Variants in PDGFD observed in about 807,000 individuals in gnomAD.
PDGFD encodes the protein platelet-derived growth factor D.
PDGFD carries 30 observed loss-of-function variants against 44.7 expected under a neutral mutation model. That is an observed-to-expected ratio of 0.67 (90% CI 0.50 to 0.91). The LOEUF is 0.91. Among genes scored for constraint, PDGFD ranks in the 40% least tolerant of loss-of-function variants. The pLI is 0.00. For synonymous variants in PDGFD, 173 were observed against 168.4 expected, an observed-to-expected ratio of 1.03 and a Z score of -0.21; for missense variants, 445 against 457.8, an observed-to-expected ratio of 0.97 and a Z score of 0.25.
Position 104,014,062 on chromosome 11 carries a change from T to C in PDGFD, c.125-13807A>G, listed in dbSNP as rs138676792. ...ATTCTGAGCCTGTGTCTATGTTAAA[T>C]AGAAAAAATGGAAATGACAAATTAA... On this transcript the variant is annotated intron_variant, in intron 1 of 6. Transcript: ENST00000393158. 3.3e-3 allele frequency among the ~76,000 whole-genome samples: 507 copies of C among 152,226 alleles called. 2 individuals are homozygous for C. The highest frequency in any genetic ancestry group is 0.012 in the African/African-American group (484 of 41,542).
At chr11:104,138,321 A>G (rs1006266721) in intron 1 of PDGFD, among the ~76,000 whole-genome samples, 11 of 152,218 alleles carry the variant, frequency 7.2e-5, no homozygotes, top group Non-Finnish European at 1.2e-4. Flanking sequence ...ATCCACATTT[A>G]CAAAGCAGTT....
At chr11:104,097,075 C>T (rs955733477) in intron 1 of PDGFD, among the ~76,000 whole-genome samples, 3 of 152,134 alleles carry the variant, frequency 2.0e-5, no homozygotes, top group East Asian at 3.9e-4. Flanking sequence ...AGAGAGTAAA[C>T]GAGGTCAAGA....
chr11:104,014,376 G>T (rs1289218897), intron 1 of PDGFD, among the ~76,000 whole-genome samples: 1 of 152,090 alleles, frequency 6.6e-6, no homozygotes, highest in Non-Finnish European at 1.5e-5. Context: ...TGCACCTGCA[G>T]TACCAGTGAC....
At position 104,119,078 on chromosome 11, in the gene PDGFD, T is replaced by TATTA. The variant is rs1565340467; in HGVS notation, c.124+44725_124+44726insTAAT. ...ATATTAATATAATATATTGGTATAATATATAATATATTGATATAATATATA... is the reference window on the plus strand; with the variant it reads ...ATATTAATATAATATATTGGTATAATATTAATATAATATATTGATATAATATATA... On this transcript the variant is annotated intron_variant, in intron 1 of 6. Coordinates refer to ENST00000393158, the MANE Select transcript of PDGFD (RefSeq NM_025208.5). Among the ~76,000 whole-genome samples, 38 of 4,114 alleles carry TATTA rather than the reference T, an allele frequency of 9.2e-3. 7 individuals carry two copies. Among genetic ancestry groups the TATTA allele is most frequent in the Admixed American group, 0.025 (4 of 160 alleles). 2.7% of individuals were successfully genotyped at this position (4,114 alleles called of 152,430 possible).
Position 103,909,348 on chromosome 11 carries a change from C to G in PDGFD, c.*346G>C, listed in dbSNP as rs903411436. ...TATTTTGGCAAAGGATTTTAAGAGT[C>G]TAACTCAAACATATGTAAGCTCTGG... On this transcript the variant is annotated 3_prime_UTR_variant, in exon 7 of 7. Transcript: ENST00000393158. 2 of 164,754 alleles carry G rather than the reference C, an allele frequency of 1.2e-5. No homozygotes were observed. The highest frequency in any genetic ancestry group is 4.8e-5 in the African/African-American group (2 of 41,856). The allele number at this position is 164,754 out of a possible 1,614,324, so 10.2% of individuals were successfully genotyped here. A position where few individuals can be genotyped will look rare whatever the true frequency, so the allele number is the denominator to read the frequency against.
chr11:103,942,339 A>G (rs1469786155), intron 5 of PDGFD, among the ~76,000 whole-genome samples: 6 of 152,134 alleles, frequency 3.9e-5, no homozygotes, highest in African/African-American at 1.4e-4. Flanking sequence ...GTTTTATTCA[A>G]TAAGAGGCAA....
chr11:104,051,184 T>C (rs1860529597), intron 1 of PDGFD, among the ~76,000 whole-genome samples: 1 of 152,120 alleles, frequency 6.6e-6, no homozygotes, highest in South Asian at 2.1e-4. Flanking sequence ...GCGATAACAC[T>C]CAATAGTAGC....
At chr11:103,943,426 A>C in intron 5 of PDGFD, 26 bp downstream of exon 5, 2 of 1,589,356 alleles carry the variant, frequency 1.3e-6, no homozygotes, top group Non-Finnish European at 1.7e-6. Context: ...GTGCTTATGA[A>C]GAATGTACAA....
chr11:103,937,636 T>C (rs1565289139), intron 5 of PDGFD, among the ~76,000 whole-genome samples: 6 of 151,988 alleles, frequency 3.9e-5, no homozygotes. Flanking sequence ...ATGTGCCATG[T>C]TGGTGTGCTG....
chr11:104,101,101 G>A (rs182048652), intron 1 of PDGFD, among the ~76,000 whole-genome samples: 1 of 152,206 alleles, frequency 6.6e-6, no homozygotes, highest in Admixed American at 6.5e-5. Flanking sequence ...GTTCTGGCCA[G>A]GGCAATCCGG....
intron 1 of PDGFD, among the ~76,000 whole-genome samples, chr11:104,104,455 T>C (rs1354243117): frequency 6.6e-6 from 1 of 152,144 alleles, no homozygotes; most frequent in East Asian, 1.9e-4. Flanking sequence ...ATGCTAAGTG[T>C]CTAATACAGG....
intron 1 of PDGFD, among the ~76,000 whole-genome samples, chr11:104,155,360 A>G (rs1471554957): frequency 6.6e-6 from 1 of 152,164 alleles, no homozygotes; most frequent in Non-Finnish European, 1.5e-5. Context: ...CAATATACGG[A>G]GACAGATTGG....
At chr11:104,157,999 T>C (rs1862332217) in intron 1 of PDGFD, among the ~76,000 whole-genome samples, 1 of 152,234 alleles carries the variant, frequency 6.6e-6, no homozygotes, top group African/African-American at 2.4e-5. Context: ...CTTCAAATCA[T>C]GTTTGCCTTA....
chr11:104,094,658 A>G (rs1018269234), intron 1 of PDGFD, among the ~76,000 whole-genome samples: 8 of 152,138 alleles, frequency 5.3e-5, no homozygotes, highest in African/African-American at 1.7e-4. Context: ...ATCTATAACT[A>G]TACACGTATA....
chr11:104,050,138 T>G (rs988394482), intron 1 of PDGFD, among the ~76,000 whole-genome samples: 2 of 151,690 alleles, frequency 1.3e-5, no homozygotes, highest in Non-Finnish European at 2.9e-5. Flanking sequence ...GAACAAAGAG[T>G]AATTCATACA....
At chr11:104,053,713 C>T (rs1860577476) in intron 1 of PDGFD, among the ~76,000 whole-genome samples, 1 of 152,100 alleles carries the variant, frequency 6.6e-6, no homozygotes, top group African/African-American at 2.4e-5. Context: ...CGCATATATT[C>T]AACTGGGCAG....
intron 3 of PDGFD, among the ~76,000 whole-genome samples, chr11:103,988,441 AAC>A (rs984143154): frequency 2.0e-5 from 3 of 152,088 alleles, no homozygotes; most frequent in African/African-American, 7.2e-5. Context: ...TATGATCAGC[AAC>A]CAGGGTTTAT....
At chr11:104,104,087 T>C (rs1861437068) in intron 1 of PDGFD, among the ~76,000 whole-genome samples, 1 of 152,032 alleles carries the variant, frequency 6.6e-6, no homozygotes, top group Non-Finnish European at 1.5e-5. Flanking sequence ...TTCAATTGTG[T>C]CTTAGTTTTT....
intron 3 of PDGFD, among the ~76,000 whole-genome samples, chr11:103,991,942 G>C (rs1423638157): frequency 6.6e-6 from 1 of 151,936 alleles, no homozygotes; most frequent in Non-Finnish European, 1.5e-5. Context: ...CATCTACCGG[G>C]GGGAGCCTTG....
Sources: gnomAD v4.1 joint callset for allele counts (sites outside exome capture counted in the v4.1 genomes callset) on GRCh38, gnomAD v4.1.1 for gene constraint, MANE v1.5 for transcripts, NCBI Gene and HGNC (gene_info 2026-07-23, HGNC 2026-07-21) for gene names.